Variants in NDST3 observed in about 807,000 individuals in gnomAD.
The protein encoded by NDST3 is N-deacetylase and N-sulfotransferase 3, also known as bifunctional heparan sulfate N-deacetylase/N-sulfotransferase 3.
Under a neutral mutation model 96.1 loss-of-function variants are expected in NDST3, and 58 were observed. That is an observed-to-expected ratio of 0.60 (90% CI 0.49 to 0.75). The LOEUF (loss-of-function observed/expected upper bound fraction) is 0.75. Among genes scored for constraint, NDST3 ranks in the 30% least tolerant of loss-of-function variants. The pLI, the probability that NDST3 is intolerant of heterozygous loss-of-function variation, is 0.00. For synonymous variants in NDST3, 333 were observed against 359.7 expected (o/e 0.93, Z 0.84); for missense variants, 788 against 1,034.2 (o/e 0.76, Z 3.27).
At chr4:118,123,554 T>G (rs979341120) in intron 4 of NDST3, among the ~76,000 whole-genome samples, 4 of 152,094 alleles carry the variant, frequency 2.6e-5, no homozygotes, top group African/African-American at 9.7e-5. Context: ...ATACATTCAT[T>G]TTTTTTACAT....
At chr4:118,053,411 G>T (rs1475692012) in intron 1 of NDST3, among the ~76,000 whole-genome samples, 3 of 151,988 alleles carry the variant, frequency 2.0e-5, no homozygotes, top group African/African-American at 7.2e-5. Flanking sequence ...ATAATGTATA[G>T]CCAGATGGCA....
At position 118,060,737 on chromosome 4, in the gene NDST3, T is replaced by C. The variant is rs562760410; in HGVS notation, c.981+5846T>C. 3.3e-5 allele frequency among the ~76,000 whole-genome samples: 5 copies of C among 152,214 alleles called. No homozygotes were observed. In the East Asian group the frequency reaches 9.7e-4, roughly 29 times the overall value. On this transcript the variant is annotated intron_variant, in intron 2 of 13. Coordinates refer to ENST00000296499, the MANE Select transcript of NDST3 (RefSeq NM_004784.3). ...ATGTATTTTATCTCTTTTTTTTTAG[T>C]AGTTTCTCCAAAAATTTAAACACAT...
intron 7 of NDST3, among the ~76,000 whole-genome samples, chr4:118,225,984 C>T (rs1739853253): frequency 6.6e-6 from 1 of 151,716 alleles, no homozygotes; most frequent in Non-Finnish European, 1.5e-5. Context: ...AAGTTTTAAA[C>T]TGTTTTTTTG....
Position 118,168,461 on chromosome 4 carries a change from CAT to C in NDST3, c.1539+24785_1539+24786del, listed in dbSNP as rs201212819. 9.1e-3 allele frequency among the ~76,000 whole-genome samples: 1,382 copies of C among 152,084 alleles called. 25 individuals are homozygous for C. Among genetic ancestry groups the C allele is most frequent in the Middle Eastern group, 0.082 (24 of 294 alleles). ...ACATACATACAAAAGTCACTAATCTCATATATATACACACAAGTGCTAGTGAG... is the reference window on the plus strand; with the variant it reads ...ACATACATACAAAAGTCACTAATCTCATATATACACACAAGTGCTAGTGAG... On this transcript the variant is annotated intron_variant, in intron 6 of 13. Coordinates refer to ENST00000296499, the MANE Select transcript of NDST3 (RefSeq NM_004784.3).
chr4:118,036,452 A>T (rs1724155638), intron 1 of NDST3, among the ~76,000 whole-genome samples: 1 of 152,194 alleles, frequency 6.6e-6, no homozygotes, highest in Admixed American at 6.5e-5. Context: ...CAGTAAGGGA[A>T]AACAGTAGAA....
chr4:118,183,296 T>A (rs1391387643), intron 6 of NDST3, among the ~76,000 whole-genome samples: 2 of 152,178 alleles, frequency 1.3e-5, no homozygotes, highest in Non-Finnish European at 2.9e-5. Flanking sequence ...ACCAGAACTA[T>A]AGGAATAATT....
chr4:118,085,963 T>C (rs1413896395), intron 2 of NDST3, among the ~76,000 whole-genome samples: 1 of 152,214 alleles, frequency 6.6e-6, no homozygotes, highest in Non-Finnish European at 1.5e-5. Flanking sequence ...ACTTCGCATT[T>C]ATCTGGAATC....
intron 12 of NDST3, among the ~76,000 whole-genome samples, chr4:118,243,088 G>T (rs1741104984): frequency 6.6e-6 from 1 of 150,492 alleles, no homozygotes; most frequent in African/African-American, 2.5e-5. Flanking sequence ...ACCGTAAGTT[G>T]GTTTTTTTTT....
chr4:118,156,742 G>A (rs1734737688), intron 6 of NDST3, among the ~76,000 whole-genome samples: 1 of 152,148 alleles, frequency 6.6e-6, no homozygotes, highest in Non-Finnish European at 1.5e-5. Flanking sequence ...AGATTATATT[G>A]AGACACTATT....
intron 1 of NDST3, among the ~76,000 whole-genome samples, chr4:118,051,368 C>A (rs536784652): frequency 1.3e-5 from 2 of 152,160 alleles, no homozygotes; most frequent in African/African-American, 4.8e-5. Flanking sequence ...TTGGCTAAGT[C>A]CCCAAAAGCA....
At chr4:118,089,369 A>G (rs1728687414) in intron 2 of NDST3, among the ~76,000 whole-genome samples, 1 of 151,918 alleles carries the variant, frequency 6.6e-6, no homozygotes. Context: ...TTTTCCATTA[A>G]GGAATACATG....
At chr4:118,192,229 G>C (rs1018434371) in intron 6 of NDST3, among the ~76,000 whole-genome samples, 1 of 152,146 alleles carries the variant, frequency 6.6e-6, no homozygotes, top group Non-Finnish European at 1.5e-5. Flanking sequence ...CTCCCATTCT[G>C]TGGGTAGTCT....
chr4:118,114,265 T>G (rs1730874766), intron 3 of NDST3, among the ~76,000 whole-genome samples: 1 of 152,198 alleles, frequency 6.6e-6, no homozygotes, highest in African/African-American at 2.4e-5. Context: ...TTTCCCTAAT[T>G]TTCTCAACAA....
chr4:118,160,173 C>G (rs1385731184), intron 6 of NDST3, among the ~76,000 whole-genome samples: 1 of 152,084 alleles, frequency 6.6e-6, no homozygotes, highest in Non-Finnish European at 1.5e-5. Context: ...AAAACTGATT[C>G]ATCACATAAA....
In NDST3 at chr4:118,213,745, A is replaced by G. The variant is rs986822309; in HGVS notation, c.1540-10746A>G. 8.6e-5 allele frequency among the ~76,000 whole-genome samples: 13 copies of G among 150,364 alleles called. No individual in the cohort carries two copies. The South Asian group carries it at 2.7e-3, about 31-fold the overall frequency. ...TAATTTATAATATATACTTTTTTAT[A>G]TAAATCCTATATATAAGATTTTTAA... On this transcript the variant is annotated intron_variant, in intron 6 of 13. Transcript: ENST00000296499.
chr4:118,243,440 T>G (rs1489928229), intron 12 of NDST3, among the ~76,000 whole-genome samples: 1 of 152,200 alleles, frequency 6.6e-6, no homozygotes, highest in Non-Finnish European at 1.5e-5. Context: ...TTTGCTGTTA[T>G]TATTAACCTT....
At chr4:118,130,545 C>G (rs1732527549) in intron 4 of NDST3, among the ~76,000 whole-genome samples, 1 of 151,984 alleles carries the variant, frequency 6.6e-6, no homozygotes, top group African/African-American at 2.4e-5. Flanking sequence ...GTAGTTATTA[C>G]TTTTGATTGG....
At chr4:118,255,269 G>A (rs1742042761) in intron 13 of NDST3, among the ~76,000 whole-genome samples, 1 of 152,130 alleles carries the variant, frequency 6.6e-6, no homozygotes, top group Admixed American at 6.5e-5. Flanking sequence ...TTATTTAAGG[G>A]AGTGGCTGAT....
At chr4:118,137,420 T>TTGGC (rs1453124189) in intron 4 of NDST3, among the ~76,000 whole-genome samples, 1 of 152,080 alleles carries the variant, frequency 6.6e-6, no homozygotes, top group East Asian at 1.9e-4. Context: ...CCCAGAATAT[T>TTGGC]TGGCTGTTTC....
Sources: gnomAD v4.1 joint callset for allele counts (sites outside exome capture counted in the v4.1 genomes callset) on GRCh38, gnomAD v4.1.1 for gene constraint, MANE v1.5 for transcripts, NCBI Gene and HGNC (gene_info 2026-07-23, HGNC 2026-07-21) for gene names.